Variants in ARMH3 observed in about 807,000 individuals in gnomAD.
ARMH3 encodes the protein armadillo like helical domain containing 3.
Under a neutral mutation model 99.1 loss-of-function variants are expected in ARMH3, and 60 were observed. The observed-to-expected ratio is 0.61, with a 90% confidence interval of 0.49 to 0.75. ARMH3 has a LOEUF of 0.75. Ranked by LOEUF, ARMH3 falls within the 30% of genes least tolerant of loss-of-function variation. The pLI, the probability that ARMH3 is intolerant of heterozygous loss-of-function variation, is 0.00. For missense variants in ARMH3, 679 were observed against 843.1 expected (o/e 0.81, Z 2.41); for synonymous variants, 285 against 292.8 (o/e 0.97, Z 0.27).
intron 20 of ARMH3, among the ~76,000 whole-genome samples, chr10:101,963,820 T>C (rs1302678142): frequency 6.6e-6 from 1 of 151,938 alleles, no homozygotes; most frequent in Non-Finnish European, 1.5e-5. Context: ...AGTAGGCTAC[T>C]GACCTACTTA....
intron 22 of ARMH3, among the ~76,000 whole-genome samples, chr10:101,944,297 G>T (rs1308606043): frequency 5.5e-4 from 68 of 123,078 alleles, no homozygotes; most frequent in East Asian, 4.3e-3. Context: ...GAGAGAGAGA[G>T]AGAGAGAGAG....
intron 14 of ARMH3, among the ~76,000 whole-genome samples, chr10:102,004,193 A>AT (rs2066430861): frequency 1.3e-5 from 2 of 152,248 alleles, no homozygotes; most frequent in African/African-American, 2.4e-5. Flanking sequence ...CCGGCTTTTA[A>AT]AAATATGGCT....
At chr10:101,883,986 T>A (rs1589962323) in intron 24 of ARMH3, among the ~76,000 whole-genome samples, 1 of 145,532 alleles carries the variant, frequency 6.9e-6, no homozygotes, top group African/African-American at 2.5e-5. Context: ...GAGGGAGATC[T>A]CACACACACA....
chr10:102,054,320 C>T (rs528102544), intron 1 of ARMH3, among the ~76,000 whole-genome samples: 62 of 150,622 alleles, frequency 4.1e-4, no homozygotes, highest in Non-Finnish European at 3.8e-4. Flanking sequence ...ACCCGAGAGA[C>T]GGAGGTTGCA....
At chr10:102,053,214 T>TAAAAAAAAAAAAAAAA (rs1191838493) in intron 1 of ARMH3, among the ~76,000 whole-genome samples, 1 of 49,008 alleles carries the variant, frequency 2.0e-5, no homozygotes, top group Non-Finnish European at 3.9e-5. Context: ...CCTCAGAAGC[T>TAAAAAAAAAAAAAAAA]AAAAAAAAAA....
chr10:101,920,202 T>A (rs1250111582), intron 23 of ARMH3, among the ~76,000 whole-genome samples: 1 of 152,206 alleles, frequency 6.6e-6, no homozygotes, highest in Non-Finnish European at 1.5e-5. Flanking sequence ...GCTGCTGTAG[T>A]GTGGCCAGGC....
At chr10:102,041,106 T>TATATAATATATATATATATATA (rs2067412438) in intron 1 of ARMH3, among the ~76,000 whole-genome samples, 1 of 146,520 alleles carries the variant, frequency 6.8e-6, no homozygotes, top group Non-Finnish European at 1.5e-5. Context: ...TATATATATA[T>TATATAATATATATATATATATA]ATATATGTAG....
intron 20 of ARMH3, among the ~76,000 whole-genome samples, chr10:101,961,816 T>C (rs770684332): frequency 6.6e-6 from 1 of 152,144 alleles, no homozygotes; most frequent in African/African-American, 2.4e-5. Flanking sequence ...AGAATTAAGA[T>C]AACTAAAAAA....
Position 101,956,632 on chromosome 10 carries a change from C to T in ARMH3, c.1670G>A (p.Arg557His), listed in dbSNP as rs781574136. The change falls in exon 22 of 26, where the codon CGC becomes CAC. Residue 557 changes from arginine (R) to histidine (H), a missense_variant. Transcript: ENST00000370033. Reference sequence around the variant, plus strand: ...GAGGTTGTCAAAGCTCTGGTGCATGCGGATAATCTCATAGTAAAGTTCATC... The same window carrying T: ...GAGGTTGTCAAAGCTCTGGTGCATGTGGATAATCTCATAGTAAAGTTCATC... ...SYDELYYEIIRMHQSFDNLYS... is the reference protein window; with the variant it reads ...SYDELYYEIIHMHQSFDNLYS... 5.0e-6 allele frequency: 8 copies of T among 1,613,348 alleles called. No homozygotes were observed. The highest frequency in any genetic ancestry group is 1.7e-5 in the Admixed American group (1 of 60,018).
At chr10:101,906,397 T>A (rs146390285) in intron 23 of ARMH3, among the ~76,000 whole-genome samples, 1 of 152,202 alleles carries the variant, frequency 6.6e-6, no homozygotes, top group South Asian at 2.1e-4. Flanking sequence ...CCTATGCTTC[T>A]GAAATCCAAC....
chr10:101,889,143 T>C (rs2135441161), intron 24 of ARMH3, among the ~76,000 whole-genome samples: 2 of 152,330 alleles, frequency 1.3e-5, no homozygotes, highest in South Asian at 4.1e-4. Context: ...AAAAAAGAAA[T>C]GCCTTATCAC....
chr10:101,992,097 G>T, intron 17 of ARMH3, 59 bp from the exon 18 acceptor site: 1 of 1,343,276 alleles, frequency 7.4e-7, no homozygotes, highest in Non-Finnish European at 1.1e-6. Flanking sequence ...ACATCCAATG[G>T]CCCATCATCA....
rs933590363 is a variant in ARMH3 at position 101,939,920 on chromosome 10, T to C, written c.1724A>G (p.Asn575Ser). Residue 575 changes from asparagine (N) to serine (S), a missense_variant, in exon 23 of 26, where the codon AAT becomes AGT. Around this residue, in one of 3 missense-constraint regions of ARMH3, gnomAD observed 389 missense variants for 456.5 expected, o/e 0.85. Transcript: ENST00000370033. ...LYSMVLRLST[N>S]AGQWKEAASK... ...AGCTGCTTCCTTCCACTGGCCTGCA[T>C]TGGTAGAAAGCCTCAGGACTGCAAA... 3 of 1,613,756 alleles carry C rather than the reference T, an allele frequency of 1.9e-6. No homozygotes were observed. The highest frequency in any genetic ancestry group is 2.2e-5 in the East Asian group (1 of 44,882).
chr10:101,981,286 CTCT>C (rs1440156602), intron 19 of ARMH3, among the ~76,000 whole-genome samples: 1 of 152,158 alleles, frequency 6.6e-6, no homozygotes, highest in Admixed American at 6.5e-5. Context: ...ACTAACCTCT[CTCT>C]GCAGAATGAG....
chr10:101,997,160 G>A (rs1287202537), intron 15 of ARMH3, among the ~76,000 whole-genome samples: 1 of 152,076 alleles, frequency 6.6e-6, no homozygotes, highest in Non-Finnish European at 1.5e-5. Context: ...AGCTACTCAG[G>A]AGGCTGAGGC....
At chr10:102,028,234 T>C (rs1446553558) in intron 5 of ARMH3, among the ~76,000 whole-genome samples, 1 of 152,128 alleles carries the variant, frequency 6.6e-6, no homozygotes, top group East Asian at 1.9e-4. Flanking sequence ...TACACCTAGG[T>C]ATATGCCCAA....
chr10:102,046,575 C>T (rs1350623389), intron 1 of ARMH3, among the ~76,000 whole-genome samples: 1 of 151,942 alleles, frequency 6.6e-6, no homozygotes, highest in Non-Finnish European at 1.5e-5. Context: ...TCGCTTGAAC[C>T]GAGGAGGCGG....
intron 23 of ARMH3, among the ~76,000 whole-genome samples, chr10:101,903,751 A>T (rs1470508538): frequency 6.6e-6 from 1 of 152,216 alleles, no homozygotes; most frequent in African/African-American, 2.4e-5. Flanking sequence ...TAAAAGTTAT[A>T]GCTTCCTTTC....
intron 1 of ARMH3, among the ~76,000 whole-genome samples, chr10:102,054,667 T>A (rs980248343): frequency 6.6e-6 from 1 of 152,132 alleles, no homozygotes; most frequent in Non-Finnish European, 1.5e-5. Context: ...ACAAAGCAAC[T>A]AAAGGATAGC....
Sources: gnomAD v4.1 joint callset for allele counts (sites outside exome capture counted in the v4.1 genomes callset) on GRCh38, gnomAD v4.1.1 for gene constraint, gnomAD v4.1.1 regional missense constraint, MANE v1.5 for transcripts, NCBI Gene and HGNC (gene_info 2026-07-23, HGNC 2026-07-21) for gene names.